KIF13B: variants seen among roughly 807,000 people sequenced by gnomAD.
KIF13B encodes the protein kinesin-like protein KIF13B.
Under a neutral mutation model 222.0 loss-of-function variants are expected in KIF13B, and 127 were observed. The ratio of observed to expected loss-of-function variants is 0.57; its 90% CI spans 0.50 to 0.66. The LOEUF is 0.66. KIF13B is among the 30% of genes least tolerant of loss of function. The pLI, the probability that KIF13B is intolerant of heterozygous loss-of-function variation, is 0.00. For missense variants in KIF13B, 2,173 were observed against 2,379.0 expected, an observed-to-expected ratio of 0.91 and a Z score of 1.80; for synonymous variants, 976 against 919.0, an observed-to-expected ratio of 1.06 and a Z score of -1.12.
intron 2 of KIF13B, among the ~76,000 whole-genome samples, chr8:29,231,914 AG>A (rs1372672267): frequency 6.6e-6 from 1 of 152,214 alleles, no homozygotes; most frequent in African/African-American, 2.4e-5. Context: ...GTAAGATTCC[AG>A]CTACATATTC....
At chr8:29,155,297 C>T (rs1009917768) in intron 14 of KIF13B, among the ~76,000 whole-genome samples, 71 of 152,146 alleles carry the variant, frequency 4.7e-4, no homozygotes, top group Non-Finnish European at 9.8e-4. Flanking sequence ...TGCATTCAGA[C>T]CAAACAGTGA....
chr8:29,167,384 T>TC lies in KIF13B; in HGVS notation c.1146dup (p.Thr383AspfsTer19), dbSNP rs1482839504. The TC allele has an allele frequency of 6.2e-7, 1 of 1,612,232 alleles. No individual in the cohort carries two copies. Among genetic ancestry groups the TC allele is most frequent in the Admixed American group, 1.7e-5 (1 of 59,976 alleles). On this transcript the variant is annotated frameshift_variant, in exon 11 of 40. Coordinates refer to ENST00000524189, the MANE Select transcript of KIF13B (RefSeq NM_015254.4). LOFTEE classifies it high-confidence loss of function. ...GTGGTGCCTCCTACCTCTGCTTTGG[T>TC]CAGCTGCTCCCGGAGTTTCTCAACT...
chr8:29,199,170 T>C (rs1028268769), intron 2 of KIF13B, among the ~76,000 whole-genome samples: 1 of 152,268 alleles, frequency 6.6e-6, no homozygotes, highest in East Asian at 1.9e-4. Context: ...TATCATCTTT[T>C]TATTGTCTTT....
chr8:29,232,925 G>C (rs1197174487), intron 2 of KIF13B, among the ~76,000 whole-genome samples: 1 of 152,062 alleles, frequency 6.6e-6, no homozygotes, highest in African/African-American at 2.4e-5. Context: ...CGGAGGCCAA[G>C]GGGGTGGATA....
At chr8:29,126,661 T>C (rs1810124026) in intron 25 of KIF13B, 150 bp from the exon 26 acceptor site, 1 of 643,432 alleles carries the variant, frequency 1.6e-6, no homozygotes. Context: ...ACCCTCACTC[T>C]GGGTTTTACA....
At chr8:29,088,213 C>T (rs1288748156) in intron 37 of KIF13B, among the ~76,000 whole-genome samples, 1 of 151,980 alleles carries the variant, frequency 6.6e-6, no homozygotes, top group Non-Finnish European at 1.5e-5. Context: ...TTGCAGTGAG[C>T]TGAGATCGCA....
At chr8:29,145,041 T>C (rs1267055367) in intron 18 of KIF13B, among the ~76,000 whole-genome samples, 1 of 152,220 alleles carries the variant, frequency 6.6e-6, no homozygotes. Flanking sequence ...AAAGAGGATC[T>C]TGTACTTCTC....
In KIF13B at chr8:29,155,945, T is replaced by C. The variant is rs1408277053; in HGVS notation, c.1405-89A>G. On this transcript the variant is annotated intron_variant, in intron 13 of 39. Coordinates refer to ENST00000524189, the MANE Select transcript of KIF13B (RefSeq NM_015254.4). ...TACACTGAGCCCTCTTATATTGTCCTATTACCTTTGCGAAAATTTTTTTTA... is the reference window on the plus strand; with the variant it reads ...TACACTGAGCCCTCTTATATTGTCCCATTACCTTTGCGAAAATTTTTTTTA... 3 of 1,078,616 alleles carry C rather than the reference T, an allele frequency of 2.8e-6. No homozygotes were observed. In the African/African-American group the frequency reaches 4.8e-5, roughly 17 times the overall value. The allele number at this position is 1,078,616 out of a possible 1,614,324, so 66.8% of individuals were successfully genotyped here.
chr8:29,121,006 C>T (rs1278844498), intron 29 of KIF13B, among the ~76,000 whole-genome samples: 119 of 121,098 alleles, frequency 9.8e-4, no homozygotes, highest in African/African-American at 3.3e-3. Flanking sequence ...TCATGTCCTT[C>T]GCCCACTTTT....
intron 36 of KIF13B, among the ~76,000 whole-genome samples, chr8:29,097,738 A>C (rs1808599726): frequency 2.0e-5 from 3 of 152,242 alleles, no homozygotes; most frequent in Admixed American, 2.0e-4. Flanking sequence ...ATCAATTGCA[A>C]TAGAAAAAGC....
chr8:29,230,741 G>T (rs1815249773), intron 2 of KIF13B, among the ~76,000 whole-genome samples: 1 of 152,192 alleles, frequency 6.6e-6, no homozygotes, highest in South Asian at 2.1e-4. Context: ...AGGCCAAGAA[G>T]ACCTGAATCA....
chr8:29,171,148 T>C (rs1456523194), intron 10 of KIF13B, among the ~76,000 whole-genome samples: 1 of 152,138 alleles, frequency 6.6e-6, no homozygotes, highest in East Asian at 1.9e-4. Flanking sequence ...AGAAAGATAC[T>C]CATTATCTGA....
chr8:29,183,522 A>C (rs1812805668), intron 6 of KIF13B, among the ~76,000 whole-genome samples: 1 of 152,158 alleles, frequency 6.6e-6, no homozygotes, highest in South Asian at 2.1e-4. Context: ...CTTGCTACGC[A>C]TGCTCCTTTA....
intron 13 of KIF13B, among the ~76,000 whole-genome samples, 200 bp downstream of exon 13, chr8:29,160,533 A>G (rs929748074): frequency 3.3e-5 from 5 of 151,828 alleles, no homozygotes; most frequent in Non-Finnish European, 7.3e-5. Flanking sequence ...GTTGGAAATA[A>G]TATCAGAGTA....
chr8:29,262,953 G>A (rs1435444228), intron 1 of KIF13B, 27 bp downstream of exon 1: 7 of 1,531,596 alleles, frequency 4.6e-6, no homozygotes, highest in South Asian at 3.6e-5. Context: ...CCTCCGCCCC[G>A]GCGGCCCAGG....
chr8:29,161,136 G>A (rs186737793), intron 12 of KIF13B, among the ~76,000 whole-genome samples: 106 of 152,186 alleles, frequency 7.0e-4, no homozygotes, highest in African/African-American at 2.5e-3. Context: ...GAAAATATCT[G>A]ATGTCTTGAA....
At chr8:29,261,946 AAAC>A (rs1396150353) in intron 1 of KIF13B, among the ~76,000 whole-genome samples, 3 of 152,248 alleles carry the variant, frequency 2.0e-5, no homozygotes, top group Non-Finnish European at 2.9e-5. Flanking sequence ...CATAAAAATT[AAAC>A]AACACTTGAT....
chr8:29,151,479 A>G (rs1240467543), intron 14 of KIF13B, among the ~76,000 whole-genome samples: 5 of 152,230 alleles, frequency 3.3e-5, no homozygotes, highest in Admixed American at 1.3e-4. Flanking sequence ...CAAAGCTTCA[A>G]TGGCAGGCTG....
At chr8:29,152,124 AAG>A in intron 14 of KIF13B, among the ~76,000 whole-genome samples, 1 of 152,192 alleles carries the variant, frequency 6.6e-6, no homozygotes, top group South Asian at 2.1e-4. Flanking sequence ...AGACATGAAT[AAG>A]AAGTGGAGAC....
Sources: allele counts gnomAD v4.1 joint callset (sites outside exome capture counted in the v4.1 genomes callset), GRCh38; gene constraint gnomAD v4.1.1; transcripts MANE v1.5; gene names NCBI Gene and HGNC (gene_info 2026-07-23, HGNC 2026-07-21).